SEMA6D: variants seen among roughly 807,000 people sequenced by gnomAD.
SEMA6D encodes the protein semaphorin-6D.
In SEMA6D, 35 loss-of-function variants were observed where a neutral mutation model predicts 106.6. The observed-to-expected ratio is 0.33, with a 90% CI of 0.25 to 0.44. The LOEUF (loss-of-function observed/expected upper bound fraction) is 0.44. SEMA6D is among the 20% of genes least tolerant of loss of function. The pLI, the probability that SEMA6D is intolerant of heterozygous loss-of-function variation, is 1.00. For synonymous variants in SEMA6D, 499 were observed against 487.7 expected (o/e 1.02, Z -0.31); for missense variants, 1,185 against 1,345.9 (o/e 0.88, Z 1.87).
intron 1 of SEMA6D, among the ~76,000 whole-genome samples, chr15:47,185,029 G>A (rs1566911829): frequency 6.6e-6 from 1 of 152,198 alleles, no homozygotes; most frequent in Non-Finnish European, 1.5e-5. Context: ...CCAGAGCCCC[G>A]AAGCCCGGAG....
intron 1 of SEMA6D, among the ~76,000 whole-genome samples, chr15:47,338,580 C>T (rs1239268701): frequency 6.6e-6 from 1 of 152,018 alleles, no homozygotes; most frequent in East Asian, 1.9e-4. Flanking sequence ...TGAAGGTAGG[C>T]CTGCAAACCT....
At chr15:47,380,373 C>T (rs932597619) in intron 1 of SEMA6D, 1 of 152,182 alleles carries the variant, frequency 6.6e-6, no homozygotes, top group African/African-American at 2.4e-5. Context: ...AGAATCAGAA[C>T]TCTAAGGCAC....
chr15:47,670,076 C>T (rs1182586951), intron 4 of SEMA6D, among the ~76,000 whole-genome samples: 2 of 152,200 alleles, frequency 1.3e-5, no homozygotes, highest in East Asian at 1.9e-4. Context: ...GTGCATCCTT[C>T]AAGACCTTGT....
intron 1 of SEMA6D, chr15:47,272,655 C>A (rs867707171): frequency 7.2e-5 from 11 of 152,842 alleles, no homozygotes; most frequent in Non-Finnish European, 1.6e-4. Context: ...AGAGTTGATT[C>A]GGCTGATCTG....
At chr15:47,308,104 T>G (rs528142500) in intron 1 of SEMA6D, among the ~76,000 whole-genome samples, 1 of 152,142 alleles carries the variant, frequency 6.6e-6, no homozygotes, top group South Asian at 2.1e-4. Context: ...CAGGGTATAT[T>G]TTATAAAAAA....
chr15:47,677,094 C>T (rs538013933), intron 4 of SEMA6D, among the ~76,000 whole-genome samples: 323 of 152,186 alleles, frequency 2.1e-3, no homozygotes, highest in Non-Finnish European at 3.7e-3. Flanking sequence ...AGGCAGAGCT[C>T]AGGTGATAAT....
chr15:47,741,140 C>T (rs978641664), intron 1 of SEMA6D, among the ~76,000 whole-genome samples: 22 of 152,214 alleles, frequency 1.4e-4, no homozygotes, highest in Non-Finnish European at 2.8e-4. Flanking sequence ...TTTCTCCTCT[C>T]TGTTCCTTTT....
intron 1 of SEMA6D, among the ~76,000 whole-genome samples, chr15:47,394,464 C>T (rs533973022): frequency 2.0e-5 from 3 of 152,160 alleles, no homozygotes; most frequent in East Asian, 1.9e-4. Context: ...AAGAGAGTGG[C>T]GAATTAGTTG....
chr15:47,391,322 A>G (rs1417149284), intron 1 of SEMA6D, among the ~76,000 whole-genome samples: 2 of 152,146 alleles, frequency 1.3e-5, no homozygotes, highest in African/African-American at 4.8e-5. Context: ...GGGATGGAAA[A>G]CATCCTAAAT....
intron 3 of SEMA6D, among the ~76,000 whole-genome samples, chr15:47,526,570 G>A (rs1375197766): frequency 1.3e-5 from 2 of 152,098 alleles, no homozygotes; most frequent in Non-Finnish European, 2.9e-5. Context: ...GCTAGAACGT[G>A]CATATTTAAT....
intron 3 of SEMA6D, among the ~76,000 whole-genome samples, chr15:47,539,029 T>C (rs2045270730): frequency 4.6e-5 from 7 of 152,180 alleles, no homozygotes; most frequent in Admixed American, 4.6e-4. Flanking sequence ...TTATTGAGAA[T>C]GTTCACACTG....
chr15:47,766,526 T>A, intron 15 of SEMA6D, 90 bp from the exon 16 acceptor site: 2 of 1,082,108 alleles, frequency 1.8e-6, no homozygotes, highest in Non-Finnish European at 2.8e-6. Flanking sequence ...TTCTTACTAA[T>A]CAGTCTGTGT....
intron 2 of SEMA6D, among the ~76,000 whole-genome samples, chr15:47,468,687 C>T (rs908498063): frequency 3.3e-5 from 5 of 152,152 alleles, no homozygotes; most frequent in Admixed American, 1.3e-4. Flanking sequence ...ATTATTAAAG[C>T]GGCACTTTTC....
intron 3 of SEMA6D, among the ~76,000 whole-genome samples, chr15:47,550,557 A>G (rs1596299776): frequency 6.6e-6 from 1 of 151,818 alleles, no homozygotes. Context: ...TGTCAAGGAA[A>G]CCTCCATGAT....
Position 47,365,923 on chromosome 15 carries a change from G to GAGAGAGAGAGAA in SEMA6D, c.-238-46469_-238-46468insGAGAGAGAGAAA, listed in dbSNP as rs1245271970. ...AGAGAGAGAGAGAGAGAGAGAGAGAGAAAAGAAAGAAAGAGAAAGAAAGAA... is the reference window on the plus strand; with the variant it reads ...AGAGAGAGAGAGAGAGAGAGAGAGAGAGAGAGAGAGAAAAAAGAAAGAAAGAGAAAGAAAGAA... On this transcript the variant is annotated intron_variant, in intron 1 of 19. Transcript: ENST00000558014. 3.1e-5 allele frequency among the ~76,000 whole-genome samples: 4 copies of GAGAGAGAGAGAA among 128,182 alleles called. No individual in the cohort carries two copies. In the Admixed American group the frequency reaches 3.2e-4, roughly 10 times the overall value. The allele number at this position is 128,182 out of a possible 152,430, so 84.1% of individuals were successfully genotyped here.
chr15:47,262,536 A>C (rs1190766805), intron 1 of SEMA6D, among the ~76,000 whole-genome samples: 1 of 152,124 alleles, frequency 6.6e-6, no homozygotes, highest in East Asian at 1.9e-4. Flanking sequence ...TAATCACAAG[A>C]ATAGCATGGG....
intron 3 of SEMA6D, among the ~76,000 whole-genome samples, chr15:47,531,525 G>A (rs1000482076): frequency 2.0e-5 from 3 of 152,208 alleles, no homozygotes; most frequent in African/African-American, 4.8e-5. Context: ...CATATTTTCA[G>A]GTAAAGGCAC....
At chr15:47,531,076 C>T (rs1004100631) in intron 3 of SEMA6D, among the ~76,000 whole-genome samples, 11 of 152,102 alleles carry the variant, frequency 7.2e-5, no homozygotes, top group African/African-American at 2.7e-4. Context: ...TGAATCATGA[C>T]AGTCTATCCA....
chr15:47,205,437 G>A (rs777051236), intron 1 of SEMA6D, among the ~76,000 whole-genome samples: 10 of 152,138 alleles, frequency 6.6e-5, no homozygotes, highest in Non-Finnish European at 1.3e-4. Flanking sequence ...CAATGAGTGA[G>A]TGAGAGTCAG....
Sources: allele counts gnomAD v4.1 joint callset (sites outside exome capture counted in the v4.1 genomes callset), GRCh38; gene constraint gnomAD v4.1.1; transcripts MANE v1.5; gene names NCBI Gene and HGNC (gene_info 2026-07-23, HGNC 2026-07-21).